Variants in ALPK2 observed in about 807,000 individuals in gnomAD.
ALPK2 encodes alpha-protein kinase 2.
ALPK2 carries 127 observed loss-of-function variants against 163.1 expected under a neutral mutation model. The ratio of observed to expected loss-of-function variants is 0.78; its 90% CI spans 0.67 to 0.90. The LOEUF (loss-of-function observed/expected upper bound fraction) is 0.90, where lower values mean the gene tolerates loss of function less well. ALPK2 is among the 40% of genes least tolerant of loss of function. The pLI is 0.00. For synonymous variants in ALPK2, 953 were observed against 959.1 expected (o/e 0.99, Z 0.12); for missense variants, 2,360 against 2,589.6 (o/e 0.91, Z 1.92).
At chr18:58,513,870 C>T (rs56173471) in intron 10 of ALPK2, among the ~76,000 whole-genome samples, 35,073 of 151,798 alleles carry the variant, frequency 0.23, 4,549 homozygotes, top group South Asian at 0.42. Flanking sequence ...GACCATGTCT[C>T]TTAAAAAAAA....
intron 1 of ALPK2, among the ~76,000 whole-genome samples, chr18:58,615,167 G>A (rs2052159381): frequency 2.0e-5 from 3 of 151,986 alleles, no homozygotes; most frequent in Admixed American, 2.0e-4. Context: ...ATGTTTTTGG[G>A]GTTTGACCAT....
At chr18:58,621,504 A>G (rs1424233856) in intron 1 of ALPK2, among the ~76,000 whole-genome samples, 1 of 152,060 alleles carries the variant, frequency 6.6e-6, no homozygotes, top group African/African-American at 2.4e-5. Flanking sequence ...ATCTCCTGAC[A>G]TCGTGATCCG....
intron 4 of ALPK2, among the ~76,000 whole-genome samples, chr18:58,551,740 C>T (rs1490505370): frequency 6.6e-6 from 1 of 152,180 alleles, no homozygotes; most frequent in African/African-American, 2.4e-5. Flanking sequence ...GGTTGTCCCT[C>T]TCCTGGAAGT....
intron 2 of ALPK2, among the ~76,000 whole-genome samples, chr18:58,607,965 T>C (rs2052107374): frequency 6.6e-6 from 1 of 152,216 alleles, no homozygotes; most frequent in South Asian, 2.1e-4. Flanking sequence ...TGTAGGACAT[T>C]AACCAGTGCT....
At chr18:58,614,980 G>T (rs1044878864) in intron 1 of ALPK2, among the ~76,000 whole-genome samples, 10 of 142,444 alleles carry the variant, frequency 7.0e-5, no homozygotes, top group African/African-American at 2.5e-4. Context: ...GTCTATTATG[G>T]ATTTTTTTTT....
At chr18:58,530,010 A>G (rs1207524030) in intron 5 of ALPK2, among the ~76,000 whole-genome samples, 1 of 152,248 alleles carries the variant, frequency 6.6e-6, no homozygotes, top group Non-Finnish European at 1.5e-5. Flanking sequence ...GTAGGAAATG[A>G]GATTACTGCA....
chr18:58,482,694 T>C (rs1168897013), intron 12 of ALPK2, among the ~76,000 whole-genome samples: 1 of 152,208 alleles, frequency 6.6e-6, no homozygotes, highest in Non-Finnish European at 1.5e-5. Context: ...AAAGGCTCCA[T>C]GCTGACTCCT....
At chr18:58,538,430 G>T in intron 4 of ALPK2, 1 of 511,076 alleles carries the variant, frequency 2.0e-6, no homozygotes, top group Non-Finnish European at 3.4e-6. Context: ...GTTCCAGGGG[G>T]CCCTTTGTCA....
intron 2 of ALPK2, among the ~76,000 whole-genome samples, chr18:58,609,503 G>T (rs556425061): frequency 3.9e-5 from 6 of 152,258 alleles, no homozygotes; most frequent in Non-Finnish European, 5.9e-5. Context: ...AAATATTCAT[G>T]AGCTGGGCCT....
At chr18:58,496,887 G>C (rs144747983) in intron 12 of ALPK2, among the ~76,000 whole-genome samples, 7 of 152,234 alleles carry the variant, frequency 4.6e-5, no homozygotes, top group African/African-American at 1.7e-4. Flanking sequence ...TACCCCCTCT[G>C]TGGTCTCTCA....
chr18:58,572,360 T>C (rs1487910366), intron 4 of ALPK2, among the ~76,000 whole-genome samples: 2 of 152,132 alleles, frequency 1.3e-5, no homozygotes, highest in Non-Finnish European at 2.9e-5. Flanking sequence ...AAACTAAATA[T>C]GCAAGCCCCA....
intron 4 of ALPK2, among the ~76,000 whole-genome samples, chr18:58,563,721 C>A (rs990753324): frequency 2.0e-5 from 3 of 152,152 alleles, no homozygotes; most frequent in Admixed American, 2.0e-4. Flanking sequence ...CCTGCATAGT[C>A]CAAAGAATAT....
intron 12 of ALPK2, among the ~76,000 whole-genome samples, chr18:58,490,731 G>A (rs1461765259): frequency 6.6e-6 from 1 of 152,184 alleles, no homozygotes; most frequent in Non-Finnish European, 1.5e-5. Context: ...GCGTCTGCTG[G>A]CAACATATTC....
intron 3 of ALPK2, among the ~76,000 whole-genome samples, chr18:58,606,354 G>C (rs2144226567): frequency 6.6e-6 from 1 of 152,288 alleles, no homozygotes; most frequent in African/African-American, 2.4e-5. Context: ...TGCTGAGATT[G>C]CAGGCATGAG....
rs772117344 is a variant in ALPK2, at chr18:58,537,782, C to G, written c.2405G>C (p.Cys802Ser). 6.2e-7 allele frequency: 1 copy of G among 1,614,038 alleles called. No individual in the cohort carries two copies. The highest frequency in any genetic ancestry group is 8.5e-7 in the Non-Finnish European group (1 of 1,180,016). The change falls in exon 5 of 13, where the codon TGT becomes TCT. Residue 802 changes from cysteine (C) to serine (S), a missense_variant. Cys to Ser is a moderately radical substitution (Grantham distance 112). Transcript: ENST00000361673. ...ACCAGCCTCAAAACACTCCATTGCA[C>G]ACACTGCTTCTCTGTCCCTTGGCTC... Reference protein sequence around the residue: ...CDEPRDREAVCAMECFEAGDQ... With the variant: ...CDEPRDREAVSAMECFEAGDQ...
rs34460316 is a variant in ALPK2 at position 58,593,563 on chromosome 18, C to CAAAAA, written c.228-13020_228-13016dup. ...TGGGTGACAGGAAGGGACTCTGTCT[C>CAAAAA]AAAAAAAAAAAAAAAAAAAAAAAGG... On this transcript the variant is annotated intron_variant, in intron 3 of 12. Transcript: ENST00000361673. Among the ~76,000 whole-genome samples, 23 of 50,650 alleles carry CAAAAA rather than the reference C, an allele frequency of 4.5e-4. 1 individual carries two copies. The highest frequency in any genetic ancestry group is 1.8e-3 in the African/African-American group (23 of 12,680). The allele number at this position is 50,650 out of a possible 152,430, so 33.2% of individuals were successfully genotyped here. A position where few individuals can be genotyped will look rare whatever the true frequency, so the allele number is the denominator to read the frequency against.
intron 3 of ALPK2, among the ~76,000 whole-genome samples, chr18:58,582,213 A>G (rs1428708122): frequency 6.6e-6 from 1 of 152,188 alleles, no homozygotes; most frequent in Non-Finnish European, 1.5e-5. Context: ...GCTCCTGTCT[A>G]TTTCACTAAG....
intron 4 of ALPK2, among the ~76,000 whole-genome samples, chr18:58,564,077 T>A (rs1330318981): frequency 6.6e-6 from 1 of 151,220 alleles, no homozygotes; most frequent in African/African-American, 2.4e-5. Context: ...ATGGAGTTGA[T>A]AAGTTTATGA....
At chr18:58,609,411 G>A (rs903052873) in intron 2 of ALPK2, among the ~76,000 whole-genome samples, 1 of 152,172 alleles carries the variant, frequency 6.6e-6, no homozygotes, top group East Asian at 1.9e-4. Context: ...CCTCCTTTAA[G>A]ACTGTTTCAT....
Sources: allele counts gnomAD v4.1 joint callset (sites outside exome capture counted in the v4.1 genomes callset), GRCh38; gene constraint gnomAD v4.1.1; transcripts MANE v1.5; gene names NCBI Gene and HGNC (gene_info 2026-07-23, HGNC 2026-07-21).